Variants in CNGB3 observed in about 807,000 individuals in gnomAD.
CNGB3 encodes cyclic nucleotide gated channel subunit beta 3, also known as cyclic nucleotide-gated channel beta-3.
Under a neutral mutation model 92.8 loss-of-function variants are expected in CNGB3, and 86 were observed. The observed-to-expected ratio is 0.93, with a 90% CI of 0.78 to 1.11. The LOEUF is 1.11. CNGB3 is among the 50% of genes least tolerant of loss of function. CNGB3 has a pLI of 0.00. For missense variants in CNGB3, 1,026 were observed against 956.8 expected (o/e 1.07, Z -0.95); for synonymous variants, 333 against 332.7 (o/e 1.00, Z -0.01).
intron 10 of CNGB3, among the ~76,000 whole-genome samples, chr8:86,636,996 C>T (rs1209297193): frequency 6.6e-6 from 1 of 152,098 alleles, no homozygotes; most frequent in Non-Finnish European, 1.5e-5. Context: ...TATCTTTATC[C>T]TTTCATTAGT....
intron 3 of CNGB3, chr8:86,708,126 A>G (rs1268800088): frequency 6.6e-6 from 1 of 152,244 alleles, no homozygotes; most frequent in Non-Finnish European, 1.5e-5. Context: ...GAAGATATAA[A>G]TTTGGGAACC....
chr8:86,716,690 A>G (rs1048544712), intron 3 of CNGB3, among the ~76,000 whole-genome samples: 1 of 152,220 alleles, frequency 6.6e-6, no homozygotes, highest in Non-Finnish European at 1.5e-5. Context: ...TCCCACTACC[A>G]AGCCAGTACT....
At chr8:86,642,922 C>T (rs1823219051) in intron 10 of CNGB3, among the ~76,000 whole-genome samples, 1 of 151,554 alleles carries the variant, frequency 6.6e-6, no homozygotes, top group Admixed American at 6.6e-5. Flanking sequence ...TAAAACCCTT[C>T]ACTGGTAAAC....
intron 3 of CNGB3, among the ~76,000 whole-genome samples, chr8:86,725,609 T>C (rs1825046987): frequency 6.6e-6 from 1 of 152,172 alleles, no homozygotes; most frequent in Non-Finnish European, 1.5e-5. Context: ...AATTTGTGTT[T>C]ATCGAAAAGG....
intron 9 of CNGB3, 52 bp downstream of exon 9, chr8:86,644,570 G>A: frequency 5.0e-6 from 8 of 1,586,574 alleles, no homozygotes; most frequent in Non-Finnish European, 6.9e-6. Context: ...CGTCTAAAAT[G>A]TTGTACCATT....
At chr8:86,734,879 CTAATT>C (rs1825218117) in intron 2 of CNGB3, among the ~76,000 whole-genome samples, 1 of 151,960 alleles carries the variant, frequency 6.6e-6, no homozygotes, top group Non-Finnish European at 1.5e-5. Flanking sequence ...CATATATTAA[CTAATT>C]TAATTCTCAC....
chr8:86,593,510 G>C, intron 15 of CNGB3, among the ~76,000 whole-genome samples: 1 of 152,134 alleles, frequency 6.6e-6, no homozygotes, highest in East Asian at 1.9e-4. Flanking sequence ...ATTTTCCTAT[G>C]TAATGACCAT....
At chr8:86,632,963 T>C (rs1822991811) in intron 10 of CNGB3, 70 bp from the exon 11 acceptor site, 2 of 1,368,170 alleles carry the variant, frequency 1.5e-6, no homozygotes, top group Admixed American at 1.8e-5. Flanking sequence ...CTTGGGAGAA[T>C]ATAGTACTAT....
At chr8:86,726,887 T>A (rs1434395578) in intron 2 of CNGB3, among the ~76,000 whole-genome samples, 1 of 152,156 alleles carries the variant, frequency 6.6e-6, no homozygotes, top group Non-Finnish European at 1.5e-5. Flanking sequence ...ATGACAGAGA[T>A]ATATTCTGAA....
intron 3 of CNGB3, among the ~76,000 whole-genome samples, chr8:86,714,207 T>A (rs1483808569): frequency 1.3e-5 from 2 of 152,142 alleles, no homozygotes; most frequent in Non-Finnish European, 2.9e-5. Flanking sequence ...AGGCAACCAC[T>A]GTTTTTCTTT....
intron 3 of CNGB3, among the ~76,000 whole-genome samples, chr8:86,673,996 T>A (rs1823916341): frequency 6.6e-6 from 1 of 152,212 alleles, no homozygotes; most frequent in African/African-American, 2.4e-5. Flanking sequence ...AACTGTGTCT[T>A]TTCTTCATAC....
chr8:86,723,976 A>T (rs547065233), intron 3 of CNGB3, among the ~76,000 whole-genome samples: 1 of 152,172 alleles, frequency 6.6e-6, no homozygotes, highest in South Asian at 2.1e-4. Context: ...GTAGCTAAAC[A>T]TTGAGCACAC....
chr8:86,612,278 G>A (rs2131566651), intron 13 of CNGB3, among the ~76,000 whole-genome samples: 1 of 152,190 alleles, frequency 6.6e-6, no homozygotes, highest in East Asian at 1.9e-4. Context: ...ACACTGTTTG[G>A]CTATAGGTCT....
intron 15 of CNGB3, among the ~76,000 whole-genome samples, chr8:86,600,123 G>A (rs1341221471): frequency 6.6e-6 from 1 of 152,172 alleles, no homozygotes; most frequent in Non-Finnish European, 1.5e-5. Context: ...TGAAATATCG[G>A]GGGTGGATTT....
In CNGB3 at chr8:86,647,878, C is replaced by T. The variant is rs144637286; in HGVS notation, c.913G>A (p.Ala305Thr). The T allele has an allele frequency of 6.1e-4, 971 of 1,583,932 alleles. 1 individual carries two copies. The highest frequency in any genetic ancestry group is 6.8e-4 in the Non-Finnish European group (779 of 1,153,642). ...CAAATATCAAATGGTATTATTGATG[C>T]GACATCCAACTGTTGAAAGAACACA... The part of the protein sequence containing the change: ...RTSTKFQLDV[A>T]SIIPFDICYL... Residue 305 changes from alanine to threonine, a missense_variant, in exon 8 of 18, where the codon GCA becomes ACA. Transcript: ENST00000320005.
chr8:86,608,382 G>A (rs1210580775), intron 14 of CNGB3, among the ~76,000 whole-genome samples: 2 of 152,258 alleles, frequency 1.3e-5, no homozygotes, highest in South Asian at 2.1e-4. Context: ...GAAGACGCCC[G>A]TTGCCAGGTG....
intron 13 of CNGB3, among the ~76,000 whole-genome samples, chr8:86,621,835 T>C (rs1254794249): frequency 6.6e-6 from 1 of 152,122 alleles, no homozygotes; most frequent in East Asian, 1.9e-4. Flanking sequence ...GAGGCTGAGA[T>C]GGGCAGATCA....
At chr8:86,596,358 C>T (rs1422416496) in intron 15 of CNGB3, among the ~76,000 whole-genome samples, 1 of 152,084 alleles carries the variant, frequency 6.6e-6, no homozygotes, top group Non-Finnish European at 1.5e-5. Flanking sequence ...ATGCTTCTAC[C>T]TTTTGGCCTA....
chr8:86,699,248 A>C (rs187738039), intron 3 of CNGB3, among the ~76,000 whole-genome samples: 1 of 152,292 alleles, frequency 6.6e-6, no homozygotes, highest in Admixed American at 6.5e-5. Flanking sequence ...AAATTATAAC[A>C]GAATTTTTAA....
Sources: allele counts gnomAD v4.1 joint callset (sites outside exome capture counted in the v4.1 genomes callset), GRCh38; gene constraint gnomAD v4.1.1; transcripts MANE v1.5; gene names NCBI Gene and HGNC (gene_info 2026-07-23, HGNC 2026-07-21).